TRUB2: variants seen among roughly 807,000 people sequenced by gnomAD.
The protein encoded by TRUB2 is TruB pseudouridine synthase family member 2, also known as pseudouridylate synthase TRUB2, mitochondrial.
A neutral mutation model predicts 31.9 loss-of-function variants in TRUB2; 31 were observed. The ratio of observed to expected loss-of-function variants is 0.97; its 90% CI spans 0.73 to 1.31. The LOEUF (loss-of-function observed/expected upper bound fraction) is 1.31. Ranked by LOEUF, TRUB2 falls within the 50% of genes most tolerant of loss-of-function variation. The pLI, the probability that TRUB2 is intolerant of heterozygous loss-of-function variation, is 0.00. For missense variants in TRUB2, 451 were observed against 439.6 expected, an observed-to-expected ratio of 1.03 and a Z score of -0.23; for synonymous variants, 201 against 182.6, an observed-to-expected ratio of 1.10 and a Z score of -0.81.
chr9:128,316,863 A>C, intron 3 of TRUB2: 1 of 359,412 alleles, frequency 2.8e-6, no homozygotes, highest in Non-Finnish European at 5.0e-6. Flanking sequence ...ATAAAATCAT[A>C]TAGTATCTAC....
At chr9:128,313,190 C>T (rs2131445755) in intron 5 of TRUB2, among the ~76,000 whole-genome samples, 1 of 149,156 alleles carries the variant, frequency 6.7e-6, no homozygotes, top group Admixed American at 6.7e-5. Context: ...GCACTCCAGC[C>T]TGGGCGACAG....
intron 2 of TRUB2, 138 bp from the exon 3 acceptor site, chr9:128,317,364 G>C: frequency 1.3e-6 from 1 of 773,846 alleles, no homozygotes; most frequent in Non-Finnish European, 2.1e-6. Flanking sequence ...AGGCTTCCCC[G>C]TCATGGAATC....
intron 2 of TRUB2, 90 bp downstream of exon 2, chr9:128,321,509 C>T: frequency 6.3e-7 from 1 of 1,594,638 alleles, no homozygotes; most frequent in Non-Finnish European, 8.6e-7. Context: ...CTTCAAGGGC[C>T]TGGCACAGGA....
intron 1 of TRUB2, among the ~76,000 whole-genome samples, chr9:128,322,082 A>G (rs1832194877): frequency 6.6e-6 from 1 of 152,210 alleles, no homozygotes; most frequent in Admixed American, 6.5e-5. Flanking sequence ...AGACTCTACA[A>G]CGTAGTAACC....
At chr9:128,321,447 T>A in intron 2 of TRUB2, 152 bp downstream of exon 2, 1 of 1,384,362 alleles carries the variant, frequency 7.2e-7, no homozygotes, top group Non-Finnish European at 9.8e-7. Context: ...TATCTGGCCC[T>A]TTCCAAGGAA....
intron 4 of TRUB2, 25 bp from the exon 5 acceptor site, chr9:128,313,914 C>A (rs1341908718): frequency 6.2e-7 from 1 of 1,608,502 alleles, no homozygotes; most frequent in Non-Finnish European, 8.5e-7. Flanking sequence ...AGGTAAAGAT[C>A]CGTCAGTGAC....
rs1312931106 is a variant in TRUB2, at chr9:128,309,632, T to G, written c.914A>C (p.Lys305Thr). The G allele has an allele frequency of 6.2e-7, 1 of 1,614,064 alleles. No homozygotes were observed. Among genetic ancestry groups the G allele is most frequent in the South Asian group, 1.1e-5 (1 of 91,068 alleles). The part of the protein sequence containing the change: ...EKSLSPGLDT[K>T]QLPSPGWSWD... ...GGACCATCCCGGACTGGGGAGCTGC[T>G]TGGTGTCCAGCCCCGGGCTCAAGCT... The change falls in exon 8 of 8, where the codon AAG becomes ACG. Residue 305 changes from lysine to threonine, a missense_variant. By Grantham distance (78) the Lys-to-Thr change is moderately conservative (BLOSUM62 -1). Transcript: ENST00000372890.
chr9:128,321,512 G>C, intron 2 of TRUB2, 87 bp downstream of exon 2: 1 of 1,596,218 alleles, frequency 6.3e-7, no homozygotes, highest in South Asian at 1.1e-5. Flanking sequence ...CAAGGGCCTG[G>C]CACAGGAATC....
chr9:128,316,552 AC>A (rs1156290582), intron 3 of TRUB2: 1 of 152,436 alleles, frequency 6.6e-6, no homozygotes, highest in East Asian at 1.9e-4. Context: ...TCGTGGGGAG[AC>A]AGAACAGGGA....
intron 2 of TRUB2, among the ~76,000 whole-genome samples, chr9:128,317,835 A>C (rs765626584): frequency 6.6e-6 from 1 of 152,220 alleles, no homozygotes; most frequent in Non-Finnish European, 1.5e-5. Context: ...ACTTGGGGGA[A>C]GCTTAACACA....
At chr9:128,317,086 C>G in intron 3 of TRUB2, 66 bp downstream of exon 3, 1 of 1,444,294 alleles carries the variant, frequency 6.9e-7, no homozygotes, top group Non-Finnish European at 9.5e-7. Context: ...GGGCTGGGCT[C>G]CTGGTAGCTT....
In TRUB2 at chr9:128,321,543, C is replaced by T. The variant is rs2231631; in HGVS notation, c.241+56G>A. 1.3e-3 allele frequency: 2,082 copies of T among 1,608,596 alleles called. 28 individuals carry two copies. The African/African-American group carries it at 0.024, about 19-fold the overall frequency. On this transcript the variant is annotated intron_variant, in intron 2 of 7. Transcript: ENST00000372890. ...GAATCTGAGCACTGGGACACTGACT[C>T]GGCTCAGGGATTTCCTGGGAAGTGA...
At chr9:128,312,938 A>G (rs1831998696) in intron 5 of TRUB2, among the ~76,000 whole-genome samples, 1 of 148,582 alleles carries the variant, frequency 6.7e-6, no homozygotes, top group Admixed American at 6.7e-5. Context: ...AACAGTAGCC[A>G]GGCGTGGTGA....
In TRUB2 at chr9:128,307,736, A is replaced by C. The variant is rs556816598; in HGVS notation, c.*1814T>G. The C allele has an allele frequency of 9.7e-4, 123 of 127,160 alleles. No individual in the cohort carries two copies. Among genetic ancestry groups the C allele is most frequent in the African/African-American group, 4.7e-3 (104 of 21,904 alleles). The allele number at this position is 127,160 out of a possible 1,614,324, so 7.9% of individuals were successfully genotyped here. On this transcript the variant is annotated 3_prime_UTR_variant, in exon 8 of 8. Coordinates refer to ENST00000372890, the MANE Select transcript of TRUB2 (RefSeq NM_015679.3). Reference sequence around the variant, plus strand: ...GACAGTGCGAGGCCCTGTCTCAAAAATAAAATAAAATAAATAAATTAGCCA... The same window carrying C: ...GACAGTGCGAGGCCCTGTCTCAAAACTAAAATAAAATAAATAAATTAGCCA...
Position 128,317,199 on chromosome 9 carries a change from T to G in TRUB2, c.269A>C (p.Lys90Thr). The G allele has an allele frequency of 6.3e-7, 1 of 1,595,522 alleles. No individual in the cohort carries two copies. Among genetic ancestry groups the G allele is most frequent in the Non-Finnish European group, 8.6e-7 (1 of 1,169,524 alleles). The stretch of plus-strand genomic sequence containing the variant: ...ATCCAACCGATGTCCCACGCCAACC[T>G]TGAGATGGGCGAATGCTGGTCCACA... ...LVCGPAFAHL[K>T]VGVGHRLDAQ... The change falls in exon 3 of 8, where the codon AAG becomes ACG. Residue 90 changes from lysine (K) to threonine (T), a missense_variant. Transcript: ENST00000372890.
At chr9:128,315,758 A>G in intron 3 of TRUB2, 130 bp from the exon 4 acceptor site, 1 of 1,040,766 alleles carries the variant, frequency 9.6e-7, no homozygotes, top group Non-Finnish European at 1.4e-6. Context: ...AGGCAAAAAG[A>G]TCTTCTACAG....
chr9:128,319,408 T>C (rs1407216251), intron 2 of TRUB2, among the ~76,000 whole-genome samples: 1 of 151,366 alleles, frequency 6.6e-6, no homozygotes, highest in Non-Finnish European at 1.5e-5. Context: ...AGAAGACTGC[T>C]TGAACTCAGG....
intron 5 of TRUB2, 138 bp downstream of exon 5, chr9:128,313,670 G>A: frequency 1.3e-6 from 1 of 741,122 alleles, no homozygotes. Flanking sequence ...CTGGAGCACA[G>A]ATCCCGTGGC....
chr9:128,315,532 C>T (rs745671626), intron 4 of TRUB2, 35 bp downstream of exon 4: 10 of 1,606,376 alleles, frequency 6.2e-6, no homozygotes, highest in Middle Eastern at 1.8e-4. Flanking sequence ...AGGAAAGGAC[C>T]AAGGGAGAAG....
Sources: gnomAD v4.1 joint callset for allele counts (sites outside exome capture counted in the v4.1 genomes callset) on GRCh38, gnomAD v4.1.1 for gene constraint, MANE v1.5 for transcripts, NCBI Gene and HGNC (gene_info 2026-07-23, HGNC 2026-07-21) for gene names.